Variants in AP3D1 observed in about 807,000 individuals in gnomAD.
The protein encoded by AP3D1 is adaptor related protein complex 3 subunit delta 1, also known as AP-3 complex subunit delta-1.
Under a neutral mutation model 147.6 loss-of-function variants are expected in AP3D1, and 51 were observed. That is an observed-to-expected ratio of 0.35 (90% CI 0.28 to 0.44). The LOEUF (loss-of-function observed/expected upper bound fraction) is 0.44. Ranked by LOEUF, AP3D1 falls within the 20% of genes least tolerant of loss-of-function variation. AP3D1 has a pLI of 1.00. For missense variants in AP3D1, 1,421 were observed against 1,624.2 expected (o/e 0.87, Z 2.15); for synonymous variants, 760 against 663.0 (o/e 1.15, Z -2.25).
chr19:2,121,793 A>G lies in AP3D1; in HGVS notation c.1042T>C (p.Cys348Arg). ...ATGGACTCGTCCTTGTCGTCCAGGC[A>G]CTGCAGGATGAGGTCCTTGTGGGAC... is the stretch of plus-strand genomic sequence containing the variant. Reference protein sequence around the residue: ...VQSHKDLILQCLDDKDESIRL... With the variant: ...VQSHKDLILQRLDDKDESIRL... Residue 348 changes from cysteine to arginine, a missense_variant, in exon 12 of 32, where the codon TGC becomes CGC. By Grantham distance (180) the Cys-to-Arg change is radical. Around this residue, in one of 6 missense-constraint regions of AP3D1, gnomAD observed 310 missense variants for 388.1 expected, o/e 0.80. Transcript: ENST00000643116. The G allele has an allele frequency of 6.2e-7, 1 of 1,613,308 alleles. No individual in the cohort carries two copies. Among genetic ancestry groups the G allele is most frequent in the Non-Finnish European group, 8.5e-7 (1 of 1,179,728 alleles).
chr19:2,110,881 C>G lies in AP3D1; in HGVS notation c.3001G>C (p.Gly1001Arg). 6.2e-7 allele frequency: 1 copy of G among 1,613,092 alleles called. No homozygotes were observed. The highest frequency in any genetic ancestry group is 1.3e-5 in the African/African-American group (1 of 75,048). The part of the protein sequence containing the change: ...SYVKMTCDIR[G>R]SLQEDSQVTV... The stretch of plus-strand genomic sequence containing the variant: ...ACCTGGCTGTCCTCCTGCAGACTGC[C>G]CCGGATGTCACAGGTCTGCAGGGCA... Residue 1001 changes from glycine to arginine, a missense_variant, in exon 27 of 32, where the codon GGC (glycine) becomes CGC (arginine). By Grantham distance (125) the Gly-to-Arg change is moderately radical. This residue lies in a region of AP3D1 where 791 missense variants were observed against 761.4 expected (regional missense o/e 1.04). Transcript: ENST00000643116.
intron 4 of AP3D1, among the ~76,000 whole-genome samples, chr19:2,134,282 G>A (rs975748044): frequency 2.0e-5 from 3 of 151,960 alleles, no homozygotes; most frequent in African/African-American, 4.8e-5. Flanking sequence ...TCAGCCAGGT[G>A]TGGTGGTGTA....
At chr19:2,128,462 G>A (rs1459221605) in intron 8 of AP3D1, among the ~76,000 whole-genome samples, 1 of 116,066 alleles carries the variant, frequency 8.6e-6, no homozygotes, top group African/African-American at 3.8e-5. Context: ...CCGTGGAGCC[G>A]GCCCGCCCCC....
chr19:2,156,247 T>C (rs1174432497), upstream of AP3D1, among the ~76,000 whole-genome samples: 2 of 152,090 alleles, frequency 1.3e-5, no homozygotes, highest in Non-Finnish European at 2.9e-5. Context: ...TGGCAGGAGA[T>C]GGGGACATTT....
intron 4 of AP3D1, 99 bp downstream of exon 4, chr19:2,136,912 G>C: frequency 8.6e-7 from 1 of 1,156,152 alleles, no homozygotes; most frequent in Non-Finnish European, 1.3e-6. Context: ...GGGGGCCACA[G>C]GCACCTGCTG....
chr19:2,131,370 AGACACCAGGTG>A (rs1286248257), intron 5 of AP3D1, among the ~76,000 whole-genome samples: 1 of 150,778 alleles, frequency 6.6e-6, no homozygotes, highest in Non-Finnish European at 1.5e-5. Flanking sequence ...GCCACGATCT[AGACACCAGGTG>A]GACAGGCAGC....
intron 28 of AP3D1, 27 bp from the exon 29 acceptor site, chr19:2,109,985 T>G: frequency 1.2e-5 from 20 of 1,611,344 alleles, no homozygotes; most frequent in Non-Finnish European, 1.7e-5. Flanking sequence ...GTGGTGCAGT[T>G]GAGAGGGGAG....
chr19:2,109,777 TG>T (rs1381763475), intron 29 of AP3D1, 95 bp downstream of exon 29: 1 of 1,212,634 alleles, frequency 8.2e-7, no homozygotes, highest in Non-Finnish European at 1.2e-6. Flanking sequence ...TCTAAAGTCC[TG>T]CCCAGAAGCC....
At position 2,145,714 on chromosome 19, in the gene AP3D1, C is replaced by A. The variant is rs932054161; in HGVS notation, c.96+5525G>T. ...TACAAGGGCAGAACTCACCCCCACC[C>A]ACATGCCCCTCCAGGACCCACATGC... On this transcript the variant is annotated intron_variant, in intron 1 of 31. Transcript: ENST00000643116. Among the ~76,000 whole-genome samples, 17 of 152,214 alleles carry A rather than the reference C, an allele frequency of 1.1e-4. No individual in the cohort carries two copies. The Middle Eastern group carries it at 0.014, about 122-fold the overall frequency.
chr19:2,119,408 G>A (rs1033901979), intron 14 of AP3D1, among the ~76,000 whole-genome samples: 2 of 149,674 alleles, frequency 1.3e-5, no homozygotes, highest in African/African-American at 4.9e-5. Context: ...AATACAGAAA[G>A]TGAGGGCGGG....
intron 22 of AP3D1, 151 bp downstream of exon 22, chr19:2,113,974 C>T (rs2018360487): frequency 5.1e-6 from 7 of 1,376,360 alleles, no homozygotes; most frequent in Non-Finnish European, 6.7e-6. Flanking sequence ...AGCCACATGT[C>T]CTCACTCCGC....
intron 14 of AP3D1, among the ~76,000 whole-genome samples, chr19:2,119,085 G>A (rs1191811509): frequency 6.6e-6 from 1 of 152,252 alleles, no homozygotes; most frequent in Non-Finnish European, 1.5e-5. Flanking sequence ...AGAGGAAAAA[G>A]GACAACGGGG....
At chr19:2,114,068 G>A (rs1277232670) in intron 22 of AP3D1, 57 bp downstream of exon 22, 7 of 1,521,924 alleles carry the variant, frequency 4.6e-6, no homozygotes, top group Admixed American at 2.2e-5. Context: ...TGTCTCCTGG[G>A]AGTTCACGGC....
intron 1 of AP3D1, among the ~76,000 whole-genome samples, chr19:2,142,074 G>A (rs141094497): frequency 0.018 from 2,733 of 151,980 alleles, 34 homozygotes; most frequent in Middle Eastern, 0.048. Flanking sequence ...CTGGAGTGCA[G>A]TGGTGTGATC....
rs373321280 is a variant in AP3D1 at position 2,132,518 on chromosome 19, C to T, written c.415G>A (p.Val139Ile). 1.1e-5 allele frequency: 17 copies of T among 1,611,140 alleles called. No individual in the cohort carries two copies. In the African/African-American group the frequency reaches 1.2e-4, roughly 11 times the overall value. ...AGGTCTCTGGCAAGGTCTGGGGTGA[C>T]GAAGCAGGACAGACCCGTCAGTGCA... ...GVALTGLSCF[V>I]TPDLARDLAN... The change falls in exon 5 of 32, where the codon GTC becomes ATC. Residue 139 changes from valine (V) to isoleucine (I), a missense_variant. Around this residue, in one of 6 missense-constraint regions of AP3D1, gnomAD observed 292 missense variants for 412.0 expected, o/e 0.71. Transcript: ENST00000643116.
Position 2,111,285 on chromosome 19 carries a change from C to T in AP3D1, c.2985G>A (p.Met995Ile). ...SLLAENSYVKMTCDIRGSLQE... is the reference protein window; with the variant it reads ...SLLAENSYVKITCDIRGSLQE... ...GCCCCTGGGAGCGGCTGCCACTCAC[C>T]ATTTTAACATAGGAATTTTCAGCGA... The change falls in exon 26 of 32, where the codon ATG (methionine) becomes ATA (isoleucine). Residue 995 changes from methionine (M) to isoleucine (I), a missense_variant and splice_region_variant. Met to Ile is a conservative substitution (Grantham distance 10). Transcript: ENST00000643116. The T allele has an allele frequency of 1.2e-6, 2 of 1,614,036 alleles. No homozygotes were observed. Among genetic ancestry groups the T allele is most frequent in the Non-Finnish European group, 1.7e-6 (2 of 1,180,024 alleles).
chr19:2,156,240 C>T (rs2019644468), upstream of AP3D1, among the ~76,000 whole-genome samples: 1 of 152,076 alleles, frequency 6.6e-6, no homozygotes, highest in Admixed American at 6.6e-5. Context: ...TGAGCTCTGG[C>T]AGGAGATGGG....
At chr19:2,144,457 C>T (rs915927798) in intron 1 of AP3D1, among the ~76,000 whole-genome samples, 6 of 152,166 alleles carry the variant, frequency 3.9e-5, no homozygotes, top group South Asian at 4.1e-4. Flanking sequence ...CACACTAACA[C>T]GCAACAGGGC....
intron 31 of AP3D1, among the ~76,000 whole-genome samples, chr19:2,105,989 C>T (rs2018100975): frequency 6.6e-6 from 1 of 152,104 alleles, no homozygotes; most frequent in Admixed American, 6.5e-5. Context: ...CCCAACTACT[C>T]AGGAGGCTGA....
Sources: gnomAD v4.1 joint callset for allele counts (sites outside exome capture counted in the v4.1 genomes callset) on GRCh38, gnomAD v4.1.1 for gene constraint, gnomAD v4.1.1 regional missense constraint, MANE v1.5 for transcripts, NCBI Gene and HGNC (gene_info 2026-07-23, HGNC 2026-07-21) for gene names.